Variants in ZNF532 observed in about 807,000 individuals in gnomAD.
ZNF532 encodes zinc finger protein 532.
In ZNF532, 22 loss-of-function variants were observed where a neutral mutation model predicts 89.3. That is an observed-to-expected ratio of 0.25 (90% CI 0.18 to 0.35). The LOEUF (loss-of-function observed/expected upper bound fraction) is 0.35, where lower values mean the gene tolerates loss of function less well. ZNF532 is among the 10% of genes least tolerant of loss of function. The pLI, the probability that ZNF532 is intolerant of heterozygous loss-of-function variation, is 1.00. For synonymous variants in ZNF532, 606 were observed against 649.6 expected (o/e 0.93, Z 1.02); for missense variants, 1,132 against 1,643.4 (o/e 0.69, Z 5.38).
intron 5 of ZNF532, among the ~76,000 whole-genome samples, chr18:58,940,586 G>A (rs905825005): frequency 1.3e-5 from 2 of 152,118 alleles, no homozygotes; most frequent in African/African-American, 2.4e-5. Context: ...CTGTCTCAGC[G>A]GCCATCTTCT....
chr18:58,973,413 TTTG>T (rs1315814934), intron 7 of ZNF532, among the ~76,000 whole-genome samples: 8 of 152,222 alleles, frequency 5.3e-5, no homozygotes, highest in Non-Finnish European at 1.0e-4. Context: ...GAAAGATTTT[TTTG>T]TTACCTTAAT....
chr18:58,982,765 A>T (rs2067959392), intron 9 of ZNF532, among the ~76,000 whole-genome samples: 1 of 152,202 alleles, frequency 6.6e-6, no homozygotes, highest in Admixed American at 6.5e-5. Context: ...AATATAAGTC[A>T]GACTGATGTG....
chr18:58,918,802 A>C lies in ZNF532; in HGVS notation c.515A>C (p.Asp172Ala). The C allele has an allele frequency of 6.2e-7, 1 of 1,614,202 alleles. No homozygotes were observed. Among genetic ancestry groups the C allele is most frequent in the South Asian group, 1.1e-5 (1 of 91,082 alleles). ...TTGACGGGGTCGGCTCCCCAGCAGGACTACGATAAGCTGAAGGCACTCGGA... is the reference window on the plus strand; with the variant it reads ...TTGACGGGGTCGGCTCCCCAGCAGGCCTACGATAAGCTGAAGGCACTCGGA... Reference protein sequence around the residue: ...NVLTGSAPQQDYDKLKALGGE... With the variant: ...NVLTGSAPQQAYDKLKALGGE... Residue 172 changes from aspartate to alanine, a missense_variant, in exon 3 of 10, where the codon GAC becomes GCC. Physicochemically the swap from Asp to Ala is moderately radical, Grantham distance 126. This residue lies in a region of ZNF532 where 302 missense variants were observed against 319.8 expected (regional missense o/e 0.94). Transcript: ENST00000591808.
chr18:58,959,264 T>TG (rs1429813116), intron 7 of ZNF532, among the ~76,000 whole-genome samples: 22 of 147,738 alleles, frequency 1.5e-4, no homozygotes, highest in African/African-American at 4.4e-4. Context: ...TTTTTTGTTT[T>TG]TTTTTGTTTT....
At chr18:58,962,099 A>G (rs780921295) in intron 7 of ZNF532, among the ~76,000 whole-genome samples, 3 of 152,068 alleles carry the variant, frequency 2.0e-5, no homozygotes, top group African/African-American at 7.2e-5. Flanking sequence ...GGTGGCGGGC[A>G]TCTGTAGTCC....
chr18:58,977,009 G>A (rs1371714323), intron 7 of ZNF532, among the ~76,000 whole-genome samples: 1 of 152,132 alleles, frequency 6.6e-6, no homozygotes, highest in Non-Finnish European at 1.5e-5. Context: ...CCTATTTTGT[G>A]TAATCAAATC....
At position 58,873,522 on chromosome 18, in the gene ZNF532, C is replaced by T. The variant is rs534016646; in HGVS notation, c.-18+7943C>T. Among the ~76,000 whole-genome samples, 215 of 151,930 alleles carry T rather than the reference C, an allele frequency of 1.4e-3. 1 individual carries two copies. Among genetic ancestry groups the T allele is most frequent in the African/African-American group, 4.7e-3 (196 of 41,416 alleles). On this transcript the variant is annotated intron_variant, in intron 2 of 9. Transcript: ENST00000591808. ...GGAGTGCAATGGCGCAATCTTGGCT[C>T]ACTGCAACCTCTGCCTCCTGGGTTC...
At chr18:58,955,869 G>A (rs971562959) in intron 7 of ZNF532, among the ~76,000 whole-genome samples, 5 of 152,092 alleles carry the variant, frequency 3.3e-5, no homozygotes, top group South Asian at 2.1e-4. Context: ...AATAATCTAC[G>A]GTATAAGTAC....
chr18:58,866,764 T>C (rs2056502316), intron 2 of ZNF532, among the ~76,000 whole-genome samples: 3 of 152,238 alleles, frequency 2.0e-5, no homozygotes, highest in Admixed American at 2.0e-4. Flanking sequence ...TAAAATGTTT[T>C]TCATTTGGCT....
At chr18:58,923,608 G>A (rs978572157) in intron 3 of ZNF532, among the ~76,000 whole-genome samples, 2 of 152,096 alleles carry the variant, frequency 1.3e-5, no homozygotes, top group South Asian at 2.1e-4. Flanking sequence ...GGTGGGGGCT[G>A]CAGTAAGACA....
intron 7 of ZNF532, among the ~76,000 whole-genome samples, chr18:58,962,830 T>C (rs572699481): frequency 6.6e-6 from 1 of 152,212 alleles, no homozygotes; most frequent in East Asian, 1.9e-4. Context: ...CTCGATCTTC[T>C]GACCTCGTGA....
At chr18:58,978,950 G>GGGACCTGTAATAATGATTT (rs2067380550) in intron 7 of ZNF532, 105 bp from the exon 8 acceptor site, 1 of 883,282 alleles carries the variant, frequency 1.1e-6, no homozygotes, top group African/African-American at 1.7e-5. Context: ...TTTGGATTTG[G>GGGACCTGTAATAATGATTT]GGACCTGTAA....
intron 7 of ZNF532, among the ~76,000 whole-genome samples, chr18:58,955,357 A>T (rs2064661985): frequency 6.6e-6 from 1 of 152,366 alleles, no homozygotes; most frequent in South Asian, 2.1e-4. Context: ...CTCATTTGTA[A>T]TCCTAATACT....
intron 7 of ZNF532, among the ~76,000 whole-genome samples, chr18:58,961,440 G>T (rs1050469637): frequency 6.6e-6 from 1 of 152,276 alleles, no homozygotes; most frequent in African/African-American, 2.4e-5. Context: ...CAGCCCCATT[G>T]TCTCAACGTA....
At chr18:58,926,709 A>G (rs1468558742) in intron 3 of ZNF532, among the ~76,000 whole-genome samples, 2 of 152,236 alleles carry the variant, frequency 1.3e-5, no homozygotes, top group African/African-American at 2.4e-5. Flanking sequence ...TCAAACAATC[A>G]TAAGTGGTAT....
chr18:58,953,441 A>G, intron 6 of ZNF532, 77 bp from the exon 7 acceptor site: 3 of 1,288,214 alleles, frequency 2.3e-6, no homozygotes, highest in South Asian at 2.9e-5. Flanking sequence ...TGTGTACCAC[A>G]TGTTAAGATA....
Position 58,918,985 on chromosome 18 carries a change from A to T in ZNF532, c.698A>T (p.Lys233Met). The change falls in exon 3 of 10, where the codon AAG (lysine) becomes ATG (methionine). Residue 233 changes from lysine (K) to methionine (M), a missense_variant. Around this residue, in one of 9 missense-constraint regions of ZNF532, gnomAD observed 302 missense variants for 319.8 expected, o/e 0.94. Transcript: ENST00000591808. ...AEDKLKESSD[K>M]VLENRVLDGK... is the part of the protein sequence containing the mutation. ...GATAAATTGAAGGAAAGCTCTGACA[A>T]GGTGCTGGAAAACAGAGTCCTAGAT... 1 of 1,613,528 alleles carries T rather than the reference A, an allele frequency of 6.2e-7. No homozygotes were observed. Among genetic ancestry groups the T allele is most frequent in the East Asian group, 2.2e-5 (1 of 44,880 alleles).
chr18:58,930,155 A>G (rs2061830260), intron 3 of ZNF532, among the ~76,000 whole-genome samples: 2 of 152,200 alleles, frequency 1.3e-5, no homozygotes, highest in Non-Finnish European at 2.9e-5. Context: ...AATATGAGCA[A>G]AAACACGTAG....
intron 2 of ZNF532, among the ~76,000 whole-genome samples, chr18:58,872,277 G>T (rs779197012): frequency 6.6e-6 from 1 of 152,132 alleles, no homozygotes; most frequent in Non-Finnish European, 1.5e-5. Flanking sequence ...TGAGTGATCC[G>T]TAGAGACCTA....
Sources: allele counts gnomAD v4.1 joint callset (sites outside exome capture counted in the v4.1 genomes callset), GRCh38; gene constraint gnomAD v4.1.1; regional missense constraint gnomAD v4.1.1; transcripts MANE v1.5; gene names NCBI Gene and HGNC (gene_info 2026-07-23, HGNC 2026-07-21).